STK31: variants seen among roughly 807,000 people sequenced by gnomAD.
The protein encoded by STK31 is serine/threonine-protein kinase 31.
A neutral mutation model predicts 129.7 loss-of-function variants in STK31; 89 were observed. That is an observed-to-expected ratio of 0.69 (90% CI 0.58 to 0.82). The LOEUF is 0.82. Ranked by LOEUF, STK31 falls within the 40% of genes least tolerant of loss-of-function variation. STK31 has a pLI of 0.00. For missense variants in STK31, 1,187 were observed against 1,176.4 expected (o/e 1.01, Z -0.13); for synonymous variants, 448 against 395.3 (o/e 1.13, Z -1.58).
intron 8 of STK31, 74 bp from the exon 9 acceptor site, chr7:23,752,643 A>C (rs1359212895): frequency 8.4e-7 from 1 of 1,191,838 alleles, no homozygotes; most frequent in East Asian, 2.4e-5. Flanking sequence ...GCCCAGCCAA[A>C]AATTATTTAA....
At chr7:23,766,285 C>T (rs1237768363) in intron 11 of STK31, among the ~76,000 whole-genome samples, 1 of 152,086 alleles carries the variant, frequency 6.6e-6, no homozygotes, top group Non-Finnish European at 1.5e-5. Flanking sequence ...TTATTTGAGA[C>T]AGAGTCTTGC....
chr7:23,773,808 T>C (rs1242261177), intron 15 of STK31, among the ~76,000 whole-genome samples: 1 of 152,066 alleles, frequency 6.6e-6, no homozygotes, highest in East Asian at 1.9e-4. Flanking sequence ...CTTTAAGTTC[T>C]ACAGTACATG....
At chr7:23,736,164 C>A (rs913158728) in intron 7 of STK31, among the ~76,000 whole-genome samples, 3 of 152,114 alleles carry the variant, frequency 2.0e-5, no homozygotes, top group African/African-American at 7.2e-5. Context: ...ATACACTTAT[C>A]AAAAATAAAA....
intron 22 of STK31, among the ~76,000 whole-genome samples, chr7:23,801,318 AGTTT>A (rs761647918): frequency 5.3e-5 from 8 of 152,008 alleles, no homozygotes; most frequent in Admixed American, 4.6e-4. Context: ...AGCATCTTTT[AGTTT>A]GTTTATTATT....
At chr7:23,717,610 A>T in intron 4 of STK31, 31 bp downstream of exon 4, 2 of 1,504,380 alleles carry the variant, frequency 1.3e-6, no homozygotes, top group South Asian at 2.3e-5. Flanking sequence ...TAATTATTTC[A>T]TTCCTCCTGT....
chr7:23,750,973 C>T (rs1276647860), intron 8 of STK31, among the ~76,000 whole-genome samples: 1 of 152,332 alleles, frequency 6.6e-6, no homozygotes, highest in East Asian at 1.9e-4. Context: ...CTTATCCCTT[C>T]TATCTAACTG....
intron 17 of STK31, among the ~76,000 whole-genome samples, chr7:23,785,133 C>A (rs1355972351): frequency 6.6e-6 from 1 of 152,134 alleles, no homozygotes; most frequent in African/African-American, 2.4e-5. Context: ...TCCTCACCCC[C>A]GTCCCAATCA....
In STK31 at chr7:23,721,546, T is replaced by C. The variant is rs1786695921; in HGVS notation, c.249+3967T>C. 29 of 961,462 alleles carry C rather than the reference T, an allele frequency of 3.0e-5. No individual in the cohort carries two copies. In the South Asian group the frequency reaches 3.6e-4, roughly 12 times the overall value. 59.6% of individuals were successfully genotyped at this position (961,462 alleles called of 1,614,324 possible). The stretch of plus-strand genomic sequence containing the variant: ...TAGTTCTCTGTTTAACTCTCTTTTT[T>C]TTTTTCCTTTTGGGTGGAGCCCTTT... On this transcript the variant is annotated intron_variant, in intron 4 of 23. Coordinates refer to ENST00000355870, the MANE Select transcript of STK31 (RefSeq NM_031414.5).
intron 22 of STK31, among the ~76,000 whole-genome samples, chr7:23,813,078 C>CTTTTTTTTTTTTTTTTTTTTTTTTTTT (rs70956924): frequency 1.4e-4 from 13 of 94,116 alleles, no homozygotes; most frequent in Non-Finnish European, 2.2e-4. Flanking sequence ...GCTCTCTGTT[C>CTTTTTTTTTTTTTTTTTTTTTTTTTTT]TTTTTTTTTT....
At chr7:23,826,292 T>C (rs1449825226) in intron 23 of STK31, among the ~76,000 whole-genome samples, 2 of 152,182 alleles carry the variant, frequency 1.3e-5, no homozygotes, top group Admixed American at 1.3e-4. Flanking sequence ...CTGTATTGGG[T>C]GCATATATAT....
In STK31 at chr7:23,814,146, C is replaced by CTTTTTTTTTTTTTTTTTTTTT. The variant is rs71552259; in HGVS notation, c.2761-996_2761-995insTTTTTTTTTTTTTTTTTTTTT. ...GTTGGGAAACATCAGATCTGGCTCA[C>CTTTTTTTTTTTTTTTTTTTTT]TTATTTTTTTTTTTTTTTCAGTTGG... On this transcript the variant is annotated intron_variant, in intron 22 of 23. Transcript: ENST00000355870. 6.1e-5 allele frequency among the ~76,000 whole-genome samples: 6 copies of CTTTTTTTTTTTTTTTTTTTTT among 98,916 alleles called. 1 individual carries two copies. Among genetic ancestry groups the CTTTTTTTTTTTTTTTTTTTTT allele is most frequent in the African/African-American group, 4.5e-5 (1 of 22,076 alleles). 64.9% of individuals were successfully genotyped at this position (98,916 alleles called of 152,430 possible). A position where few individuals can be genotyped will look rare whatever the true frequency, so the allele number is the denominator to read the frequency against.
intron 8 of STK31, among the ~76,000 whole-genome samples, chr7:23,742,634 C>G (rs1014693170): frequency 6.6e-6 from 1 of 152,200 alleles, no homozygotes; most frequent in Non-Finnish European, 1.5e-5. Flanking sequence ...TGTTTCCCTG[C>G]GTACAGTAGC....
rs529464512 is a variant in STK31, at chr7:23,784,724, T to TA, written c.2149-753dup. Among the ~76,000 whole-genome samples the TA allele has an allele frequency of 6.0e-4, 91 of 152,270 alleles. 1 individual carries two copies. Among genetic ancestry groups the TA allele is most frequent in the Non-Finnish European group, 1.3e-3 (86 of 68,002 alleles). The stretch of plus-strand genomic sequence containing the variant: ...CAGAAAACAATTCTACAATGCCTCT[T>TA]ACTGAAACTGCACCACAGTAAAACT... On this transcript the variant is annotated intron_variant, in intron 17 of 23. Transcript: ENST00000355870.
chr7:23,819,478 C>T (rs1051863322), intron 23 of STK31, among the ~76,000 whole-genome samples: 2 of 151,318 alleles, frequency 1.3e-5, no homozygotes, highest in Non-Finnish European at 2.9e-5. Context: ...TGCAGGGGCA[C>T]GATCTCAGCC....
chr7:23,712,175 T>A (rs1157937933), intron 2 of STK31, 30 bp downstream of exon 2: 3 of 1,613,738 alleles, frequency 1.9e-6, no homozygotes, highest in Non-Finnish European at 2.5e-6. Flanking sequence ...TTTTGGGGTG[T>A]AAGAGCTAGA....
intron 3 of STK31, among the ~76,000 whole-genome samples, chr7:23,714,908 T>C (rs1291917703): frequency 2.0e-5 from 3 of 152,182 alleles, no homozygotes; most frequent in South Asian, 2.1e-4. Flanking sequence ...TGAATGAGTG[T>C]GTGTAGCTGT....
chr7:23,711,934 G>T (rs1785992394), intron 1 of STK31, among the ~76,000 whole-genome samples, 165 bp from the exon 2 acceptor site: 2 of 139,812 alleles, frequency 1.4e-5, no homozygotes, highest in Non-Finnish European at 3.2e-5. Context: ...ATACTCAAAA[G>T]AATTAGTTAG....
intron 16 of STK31, among the ~76,000 whole-genome samples, 185 bp downstream of exon 16, chr7:23,781,705 A>G (rs1790936007): frequency 6.6e-6 from 1 of 152,210 alleles, no homozygotes; most frequent in Non-Finnish European, 1.5e-5. Context: ...AAATATTCTG[A>G]CCATTGTACC....
At chr7:23,791,814 T>C (rs1049542668) in intron 22 of STK31, among the ~76,000 whole-genome samples, 2 of 152,190 alleles carry the variant, frequency 1.3e-5, no homozygotes, top group Non-Finnish European at 2.9e-5. Context: ...ACTATTCTTA[T>C]CAGCCCAGGG....
Sources: gnomAD v4.1 joint callset for allele counts (sites outside exome capture counted in the v4.1 genomes callset) on GRCh38, gnomAD v4.1.1 for gene constraint, MANE v1.5 for transcripts, NCBI Gene and HGNC (gene_info 2026-07-23, HGNC 2026-07-21) for gene names.